The following DNAH14 variants were observed in gnomAD, a reference collection of about 807,000 sequenced individuals.
DNAH14 encodes axonemal beta dynein heavy chain 14.
A neutral mutation model predicts 520.9 loss-of-function variants in DNAH14; 478 were observed. The observed-to-expected ratio is 0.92, with a 90% CI of 0.85 to 0.99. The LOEUF is 0.99. DNAH14 is among the 50% of genes least tolerant of loss of function. The probability of loss-of-function intolerance (pLI) is 0.00; values close to 1 mark genes in which losing one functional copy is unlikely to be tolerated. For missense variants in DNAH14, 4,831 were observed against 5,234.5 expected, an observed-to-expected ratio of 0.92 and a Z score of 2.38; for synonymous variants, 1,581 against 1,757.2, an observed-to-expected ratio of 0.90 and a Z score of 2.51.
At chr1:225,398,778 A>C in intron 85 of DNAH14, 112 bp downstream of exon 85, 1 of 1,370,710 alleles carries the variant, frequency 7.3e-7, no homozygotes, top group Non-Finnish European at 9.7e-7. Context: ...ATGTGATAAT[A>C]TACTCAGACA....
At chr1:225,317,658 A>G (rs1389555367) in intron 60 of DNAH14, among the ~76,000 whole-genome samples, 2 of 152,224 alleles carry the variant, frequency 1.3e-5, no homozygotes, top group African/African-American at 4.8e-5. Context: ...AGAATAGTAT[A>G]TACTGCTTAT....
intron 55 of DNAH14, among the ~76,000 whole-genome samples, chr1:225,292,614 T>C (rs1412423276): frequency 6.6e-6 from 1 of 152,060 alleles, no homozygotes; most frequent in Non-Finnish European, 1.5e-5. Flanking sequence ...ATTTTAGGAA[T>C]TTTTTTCTAT....
intron 78 of DNAH14, among the ~76,000 whole-genome samples, chr1:225,375,809 G>A (rs777456691): frequency 9.9e-5 from 15 of 151,578 alleles, no homozygotes; most frequent in Admixed American, 6.6e-4. Flanking sequence ...TCTTAAGGCC[G>A]GGTGCGGTGG....
chr1:225,123,166 A>C (rs576669236), intron 26 of DNAH14, among the ~76,000 whole-genome samples: 15 of 152,308 alleles, frequency 9.8e-5, no homozygotes, highest in African/African-American at 3.6e-4. Flanking sequence ...ACTGTTACTC[A>C]TCTGGTAGTT....
At chr1:225,078,843 C>CTCTCTCTCTCTCTCTCTCTCTCTCT (rs2072696932) in intron 17 of DNAH14, among the ~76,000 whole-genome samples, 1 of 52,116 alleles carries the variant, frequency 1.9e-5, no homozygotes, top group Non-Finnish European at 3.7e-5. Context: ...TCTCTCTCTC[C>CTCTCTCTCTCTCTCTCTCTCTCTCT]CTCTCTCTCT....
intron 64 of DNAH14, among the ~76,000 whole-genome samples, chr1:225,325,433 C>T (rs926868952): frequency 1.3e-5 from 2 of 149,918 alleles, no homozygotes; most frequent in Non-Finnish European, 3.0e-5. Flanking sequence ...TGCAGTGTGC[C>T]GAGATTGAAC....
In DNAH14 at chr1:225,210,920, TAGAA is replaced by T. The variant is rs1330158313; in HGVS notation, c.6439+3701_6439+3704del. Among the ~76,000 whole-genome samples the T allele has an allele frequency of 2.6e-5, 4 of 152,222 alleles. No individual in the cohort carries two copies. In the East Asian group the frequency reaches 7.7e-4, roughly 29 times the overall value. On this transcript the variant is annotated intron_variant, in intron 41 of 85. Transcript: ENST00000682510. Reference sequence around the variant, plus strand: ...ACCTGCAGCAAAGAGTCCTGACTATTAGAAGGAAAACTAACAAACAGAAAGGAAG... The same window carrying T: ...ACCTGCAGCAAAGAGTCCTGACTATTGGAAAACTAACAAACAGAAAGGAAG...
At chr1:225,332,308 A>G (rs2094815359) in intron 65 of DNAH14, among the ~76,000 whole-genome samples, 1 of 152,240 alleles carries the variant, frequency 6.6e-6, no homozygotes, top group African/African-American at 2.4e-5. Flanking sequence ...GGGAGATGAT[A>G]GCTCTCAAAA....
At chr1:225,158,489 A>C (rs1012571249) in intron 34 of DNAH14, among the ~76,000 whole-genome samples, 1 of 152,190 alleles carries the variant, frequency 6.6e-6, no homozygotes, top group Non-Finnish European at 1.5e-5. Context: ...GGGGCTGTCC[A>C]TATTACTGAA....
chr1:225,043,176 T>C, intron 13 of DNAH14, 62 bp downstream of exon 13: 1 of 1,461,416 alleles, frequency 6.8e-7, no homozygotes, highest in Non-Finnish European at 9.1e-7. Context: ...ATGCCTGCAA[T>C]CCTGGCACTC....
chr1:225,326,716 A>T (rs1327930469), intron 64 of DNAH14, among the ~76,000 whole-genome samples: 1 of 152,216 alleles, frequency 6.6e-6, no homozygotes, highest in East Asian at 1.9e-4. Flanking sequence ...TTCAAGAAGA[A>T]ATAATTTTTA....
chr1:225,196,482 G>T (rs2086149348), intron 38 of DNAH14, among the ~76,000 whole-genome samples: 2 of 152,146 alleles, frequency 1.3e-5, no homozygotes. Context: ...GAACATGTGT[G>T]TGCAAATACC....
chr1:225,071,452 C>A (rs1041878522), intron 17 of DNAH14, among the ~76,000 whole-genome samples: 4 of 152,050 alleles, frequency 2.6e-5, no homozygotes, highest in Non-Finnish European at 5.9e-5. Flanking sequence ...TTAGTTTGGC[C>A]AGATATGAAA....
intron 42 of DNAH14, among the ~76,000 whole-genome samples, chr1:225,233,366 C>T (rs2091299865): frequency 6.6e-6 from 1 of 152,180 alleles, no homozygotes; most frequent in Admixed American, 6.5e-5. Flanking sequence ...GCCTCTAGGT[C>T]TTTGAGGAAT....
At position 225,082,561 on chromosome 1, in the gene DNAH14, G is replaced by A; in HGVS notation, c.3149G>A (p.Ser1050Asn). 6.5e-7 allele frequency: 1 copy of A among 1,548,600 alleles called. No individual in the cohort carries two copies. The highest frequency in any genetic ancestry group is 1.4e-5 in the African/African-American group (1 of 73,026). ...TTGTTATTTATAGGTTTACCTAAAA[G>A]CGATATGGTAACACATCTTAAGCAA... ...ISVLEKGLPK[S>N]DMVTHLKQVV... Residue 1050 changes from serine (S) to asparagine (N), a missense_variant, in exon 20 of 86, where the codon AGC becomes AAC. By Grantham distance (46) the Ser-to-Asn change is conservative (BLOSUM62 1). Transcript: ENST00000682510.
At chr1:225,184,778 A>G (rs1292889164) in intron 36 of DNAH14, among the ~76,000 whole-genome samples, 1 of 152,074 alleles carries the variant, frequency 6.6e-6, no homozygotes, top group Non-Finnish European at 1.5e-5. Flanking sequence ...AAAGAAAGAA[A>G]GAAAGAAAAA....
At chr1:225,123,662 T>C (rs1371783399) in intron 27 of DNAH14, 48 bp downstream of exon 27, 1 of 276,178 alleles carries the variant, frequency 3.6e-6, no homozygotes, top group Non-Finnish European at 7.9e-6. Flanking sequence ...ACCTTGGAGA[T>C]ATTGCAGGTT....
intron 35 of DNAH14, among the ~76,000 whole-genome samples, chr1:225,166,916 G>A (rs12410491): frequency 0.13 from 19,465 of 152,204 alleles, 1,400 homozygotes; most frequent in East Asian, 0.31. Context: ...AAACTCATTA[G>A]CCAGGTGGGA....
intron 43 of DNAH14, among the ~76,000 whole-genome samples, chr1:225,243,251 G>A (rs1270690948): frequency 6.6e-6 from 1 of 152,090 alleles, no homozygotes; most frequent in Non-Finnish European, 1.5e-5. Context: ...CAATGAATAT[G>A]AAATTTTGCT....
Sources: gnomAD v4.1 joint callset for allele counts (sites outside exome capture counted in the v4.1 genomes callset) on GRCh38, gnomAD v4.1.1 for gene constraint, MANE v1.5 for transcripts, NCBI Gene and HGNC (gene_info 2026-07-23, HGNC 2026-07-21) for gene names.